MACROD2: variants seen among roughly 807,000 people sequenced by gnomAD.
MACROD2 encodes the protein ADP-ribose glycohydrolase MACROD2.
A neutral mutation model predicts 70.4 loss-of-function variants in MACROD2; 36 were observed. The ratio of observed to expected loss-of-function variants is 0.51; its 90% CI spans 0.39 to 0.68. The LOEUF is 0.68. Ranked by LOEUF, MACROD2 falls within the 30% of genes least tolerant of loss-of-function variation. The pLI, the probability that MACROD2 is intolerant of heterozygous loss-of-function variation, is 0.00. For synonymous variants in MACROD2, 172 were observed against 178.8 expected (o/e 0.96, Z 0.30); for missense variants, 496 against 538.4 (o/e 0.92, Z 0.78).
intron 6 of MACROD2, among the ~76,000 whole-genome samples, chr20:15,258,846 C>G (rs192482272): frequency 6.6e-6 from 1 of 152,016 alleles, no homozygotes; most frequent in Admixed American, 6.6e-5. Flanking sequence ...GTTCAAGGAA[C>G]GTTTGCAGAG....
At chr20:15,058,331 C>T (rs2075503744) in intron 5 of MACROD2, among the ~76,000 whole-genome samples, 1 of 152,088 alleles carries the variant, frequency 6.6e-6, no homozygotes, top group African/African-American at 2.4e-5. Context: ...TGATCTGTCC[C>T]TTGCAATTCT....
intron 7 of MACROD2, among the ~76,000 whole-genome samples, chr20:15,457,049 T>TTTC (rs1555823227): frequency 1.0e-5 from 1 of 95,570 alleles, no homozygotes; most frequent in Non-Finnish European, 2.0e-5. Context: ...TTTTCTTTCC[T>TTTC]TTCTTCTTTT....
At chr20:15,330,370 T>C (rs927885672) in intron 6 of MACROD2, among the ~76,000 whole-genome samples, 3 of 151,842 alleles carry the variant, frequency 2.0e-5, no homozygotes, top group Admixed American at 6.6e-5. Flanking sequence ...TGACAGACTT[T>C]GGTAGACTCC....
rs772085419 is a variant in MACROD2 at position 14,986,679 on chromosome 20, C to A, written c.419-243261C>A. 1.1e-4 allele frequency among the ~76,000 whole-genome samples: 17 copies of A among 152,146 alleles called. 1 individual carries two copies. The highest frequency in any genetic ancestry group is 1.8e-4 in the Non-Finnish European group (12 of 68,008). The stretch of plus-strand genomic sequence containing the variant: ...CTTACTGTGAGCCTGAAAACATAAA[C>A]ATAAATCAGCTAAAAGATAATTTGC... On this transcript the variant is annotated intron_variant, in intron 5 of 17. Coordinates refer to ENST00000684519, the MANE Select transcript of MACROD2 (RefSeq NM_001351661.2).
intron 8 of MACROD2, among the ~76,000 whole-genome samples, chr20:15,833,283 T>C (rs376929127): frequency 7.9e-5 from 12 of 152,230 alleles, no homozygotes; most frequent in African/African-American, 2.7e-4. Flanking sequence ...TGGGAATTGT[T>C]CAGCCTGTGA....
chr20:15,378,154 A>AAG (rs10534893), intron 6 of MACROD2, among the ~76,000 whole-genome samples: 50 of 149,574 alleles, frequency 3.3e-4, no homozygotes, highest in African/African-American at 8.9e-4. Flanking sequence ...AAAATAAAAG[A>AAG]AGAGAGAGAG....
chr20:14,725,037 T>G (rs1375004127), intron 5 of MACROD2, among the ~76,000 whole-genome samples: 1 of 152,076 alleles, frequency 6.6e-6, no homozygotes, highest in Non-Finnish European at 1.5e-5. Flanking sequence ...CAGAGTATGT[T>G]TTGGGGGTGA....
intron 11 of MACROD2, 130 bp downstream of exon 11, chr20:15,933,468 C>A (rs1041775816): frequency 5.1e-6 from 4 of 785,428 alleles, no homozygotes; most frequent in Non-Finnish European, 7.9e-6. Flanking sequence ...CATTCAGGGT[C>A]TCCCTCAGGA....
chr20:14,964,293 C>A (rs1195286032), intron 5 of MACROD2, among the ~76,000 whole-genome samples: 5 of 152,134 alleles, frequency 3.3e-5, no homozygotes, highest in Non-Finnish European at 7.4e-5. Flanking sequence ...TGCACACAGG[C>A]CGGGCGCGGT....
chr20:15,980,764 T>G (rs1323867694), intron 13 of MACROD2, among the ~76,000 whole-genome samples: 3 of 152,246 alleles, frequency 2.0e-5, no homozygotes, highest in African/African-American at 7.2e-5. Context: ...TAGACTTCTC[T>G]TTTAGCTGCT....
In MACROD2 at chr20:14,900,642, G is replaced by A. The variant is rs144530134; in HGVS notation, c.418+215683G>A. On this transcript the variant is annotated intron_variant, in intron 5 of 17. Coordinates refer to ENST00000684519, the MANE Select transcript of MACROD2 (RefSeq NM_001351661.2). ...GTAAAATCTTTTTTGTTTCTGCGAG[G>A]TCAGTAGTAATGTCCCCTCTTTAAT... Among the ~76,000 whole-genome samples, 230 of 151,798 alleles carry A rather than the reference G, an allele frequency of 1.5e-3. 1 individual carries two copies. The highest frequency in any genetic ancestry group is 5.4e-3 in the African/African-American group (222 of 41,474).
intron 3 of MACROD2, among the ~76,000 whole-genome samples, chr20:14,161,097 T>C (rs1481015049): frequency 6.6e-6 from 1 of 152,190 alleles, no homozygotes; most frequent in Non-Finnish European, 1.5e-5. Context: ...CAATATTTGA[T>C]TTTCTGTTCC....
At chr20:14,935,771 G>A (rs1225861186) in intron 5 of MACROD2, among the ~76,000 whole-genome samples, 1 of 152,110 alleles carries the variant, frequency 6.6e-6, no homozygotes, top group Non-Finnish European at 1.5e-5. Context: ...GTCTTCTAGT[G>A]CAAAAATGTT....
chr20:15,728,304 A>G (rs1015145380), intron 8 of MACROD2, among the ~76,000 whole-genome samples: 2 of 152,162 alleles, frequency 1.3e-5, no homozygotes, highest in East Asian at 1.9e-4. Context: ...TCAGTTTGCT[A>G]GTATTTTATT....
intron 10 of MACROD2, among the ~76,000 whole-genome samples, chr20:15,910,395 TGTGTG>T (rs1403449460): frequency 7.8e-4 from 5 of 6,386 alleles, no homozygotes; most frequent in Non-Finnish European, 7.8e-3. Flanking sequence ...TCAGAGGACA[TGTGTG>T]TGTGTGTGTG....
chr20:14,209,252 G>A (rs1379320181), intron 3 of MACROD2, among the ~76,000 whole-genome samples: 3 of 152,062 alleles, frequency 2.0e-5, no homozygotes, highest in Non-Finnish European at 4.4e-5. Flanking sequence ...CTGGGTTCAT[G>A]TTCTTTTCCC....
chr20:15,334,875 A>G (rs1411676823), intron 6 of MACROD2, among the ~76,000 whole-genome samples: 2 of 151,752 alleles, frequency 1.3e-5, no homozygotes, highest in East Asian at 1.9e-4. Context: ...AAAATAAGAG[A>G]AAACTCTGAC....
chr20:15,261,879 AC>A (rs1467987757), intron 6 of MACROD2, among the ~76,000 whole-genome samples: 3 of 151,866 alleles, frequency 2.0e-5, no homozygotes, highest in Non-Finnish European at 2.9e-5. Flanking sequence ...GCCTATCATG[AC>A]TTTTTATTTT....
At chr20:14,483,827 A>G (rs2084690635) in intron 3 of MACROD2, among the ~76,000 whole-genome samples, 1 of 152,228 alleles carries the variant, frequency 6.6e-6, no homozygotes, top group South Asian at 2.1e-4. Flanking sequence ...TTTCCTTTGC[A>G]TTTAAGTTCA....
Sources: allele counts gnomAD v4.1 joint callset (sites outside exome capture counted in the v4.1 genomes callset), GRCh38; gene constraint gnomAD v4.1.1; transcripts MANE v1.5; gene names NCBI Gene and HGNC (gene_info 2026-07-23, HGNC 2026-07-21).